Variants in IMPDH2 observed in about 807,000 individuals in gnomAD.
IMPDH2 encodes the protein inosine-5'-monophosphate dehydrogenase 2.
Under a neutral mutation model 57.8 loss-of-function variants are expected in IMPDH2, and 33 were observed. The observed-to-expected ratio is 0.57, with a 90% CI of 0.43 to 0.76. The LOEUF (loss-of-function observed/expected upper bound fraction) is 0.76. Among genes scored for constraint, IMPDH2 ranks in the 30% least tolerant of loss-of-function variants. IMPDH2 has a pLI of 0.00. For synonymous variants in IMPDH2, 270 were observed against 241.3 expected, an observed-to-expected ratio of 1.12 and a Z score of -1.10; for missense variants, 446 against 659.1, an observed-to-expected ratio of 0.68 and a Z score of 3.54.
rs1279139515 is a variant in IMPDH2 at position 49,024,667 on chromosome 3, G to A, written c.1431C>T (p.Thr477=). Residue 477 remains threonine, a synonymous_variant, in exon 12 of 14, where the codon ACC becomes ACT. Coordinates refer to ENST00000326739, the MANE Select transcript of IMPDH2 (RefSeq NM_000884.3). ...CAGCTCCCCAAGCTCACCGGACTTG[G>A]GTCAAGCTCTTGGCACCAATGTCCT... The part of the protein sequence containing the change: ...SCQDIGAKSL[T]QVRAMMYSGE... 1 of 1,614,224 alleles carries A rather than the reference G, an allele frequency of 6.2e-7. No homozygotes were observed. The highest frequency in any genetic ancestry group is 1.1e-5 in the South Asian group (1 of 91,086).
rs112967524 is a variant in IMPDH2, at chr3:49,025,966, G to A, written c.1006+358C>T. The stretch of plus-strand genomic sequence containing the variant: ...AAGCAGCCGGGCAGTGGGCAGCTGG[G>A]CCGGGCCAGTGGGCCGGGCTGGACT... On this transcript the variant is annotated intron_variant, in intron 9 of 13. Transcript: ENST00000326739. The A allele has an allele frequency of 3.1e-3, 1,457 of 467,926 alleles. 13 individuals carry two copies. The highest frequency in any genetic ancestry group is 0.026 in the African/African-American group (1,328 of 50,672). The allele number at this position is 467,926 out of a possible 1,614,324, so 29.0% of individuals were successfully genotyped here. A position where few individuals can be genotyped will look rare whatever the true frequency, so the allele number is the denominator to read the frequency against.
intron 9 of IMPDH2, 119 bp from the exon 10 acceptor site, chr3:49,025,388 C>G: frequency 9.3e-7 from 1 of 1,073,772 alleles, no homozygotes; most frequent in South Asian, 1.3e-5. Flanking sequence ...TGCAGCTTGG[C>G]TGAGGAACAG....
chr3:49,026,428 A>T lies in IMPDH2; in HGVS notation c.911-9T>A. On this transcript the variant is annotated splice_polypyrimidine_tract_variant and intron_variant, in intron 8 of 13. Transcript: ENST00000326739. ...CTGGGCAGCAGTGACCACTATGGTG[A>T]AGGAAAGGAAAATGCTCATGTGAAG... is the stretch of plus-strand genomic sequence containing the variant. The T allele has an allele frequency of 6.2e-7, 1 of 1,612,748 alleles. No homozygotes were observed.
chr3:49,028,998 G>C, intron 1 of IMPDH2, 192 bp from the exon 2 acceptor site: 1 of 655,534 alleles, frequency 1.5e-6, no homozygotes, highest in Admixed American at 2.2e-5. Flanking sequence ...TGTCATCAGT[G>C]CTCCTGGCAC....
intron 11 of IMPDH2, 40 bp downstream of exon 11, chr3:49,024,856 G>A: frequency 6.2e-7 from 1 of 1,614,210 alleles, no homozygotes; most frequent in Non-Finnish European, 8.5e-7. Context: ...GAGACTGTCA[G>A]TGCAGGATTA....
At chr3:49,028,047 T>C in intron 4 of IMPDH2, 131 bp from the exon 5 acceptor site, 2 of 820,828 alleles carry the variant, frequency 2.4e-6, no homozygotes, top group Non-Finnish European at 4.0e-6. Flanking sequence ...CCAACACATC[T>C]TAGAGACATG....
rs745959513 is a variant in IMPDH2, at chr3:49,027,858, C to T, written c.383G>A (p.Arg128Gln). The T allele has an allele frequency of 4.1e-5, 66 of 1,614,100 alleles. No individual in the cohort carries two copies. The highest frequency in any genetic ancestry group is 4.5e-5 in the Non-Finnish European group (53 of 1,180,040). Residue 128 changes from arginine (R) to glutamine (Q), a missense_variant, in exon 5 of 14, where the codon CGG (arginine) becomes CAG (glutamine). Transcript: ENST00000326739. ...PVVLSPKDRV[R>Q]DVFEAKARHG... ...CCGGGCCTTGGCCTCAAAAACATCC[C>T]GCACGCGATCCTTGGGGCTGAGGAC... is the stretch of plus-strand genomic sequence containing the variant.
At position 49,026,667 on chromosome 3, in the gene IMPDH2, C is replaced by A. The variant is rs369819850; in HGVS notation, c.819+20G>T. On this transcript the variant is annotated intron_variant, in intron 7 of 13. Transcript: ENST00000326739. ...TGGCAGCTGCCCCTATTGCCCCAACCCACCTGTGTAGCAGCTCACCAAAAC... is the reference window on the plus strand; with the variant it reads ...TGGCAGCTGCCCCTATTGCCCCAACACACCTGTGTAGCAGCTCACCAAAAC... 4 of 1,613,670 alleles carry A rather than the reference C, an allele frequency of 2.5e-6. No individual in the cohort carries two copies. The highest frequency in any genetic ancestry group is 3.4e-6 in the Non-Finnish European group (4 of 1,179,666).
In IMPDH2 at chr3:49,026,729, C is replaced by A; in HGVS notation, c.777G>T (p.Arg259Ser). The change falls in exon 7 of 14, where the codon AGG (arginine) becomes AGT (serine). Residue 259 changes from arginine (R) to serine (S), a missense_variant. Arg to Ser is a moderately radical substitution (Grantham distance 110). Transcript: ENST00000326739. Reference sequence around the variant, plus strand: ...CACCAGCCTGGGCGAGCAAGTCCAGCCTATACTTGTCATCCTCATGAGTGC... The same window carrying A: ...CACCAGCCTGGGCGAGCAAGTCCAGACTATACTTGTCATCCTCATGAGTGC... ...AIGTHEDDKY[R>S]LDLLAQAGVD... 1 of 1,614,218 alleles carries A rather than the reference C, an allele frequency of 6.2e-7. No homozygotes were observed. The highest frequency in any genetic ancestry group is 8.5e-7 in the Non-Finnish European group (1 of 1,180,042).
chr3:49,028,886 C>T, intron 1 of IMPDH2, 80 bp from the exon 2 acceptor site: 1 of 1,117,020 alleles, frequency 9.0e-7, no homozygotes, highest in South Asian at 1.3e-5. Context: ...TACCAATCAA[C>T]CCGTAACGCA....
chr3:49,028,708 G>C (rs2093210473), intron 2 of IMPDH2, 50 bp downstream of exon 2: 1 of 1,507,432 alleles, frequency 6.6e-7, no homozygotes, highest in Admixed American at 1.7e-5. Flanking sequence ...GGTGATAGTA[G>C]CACCTTAGCT....
chr3:49,028,332 A>G lies in IMPDH2; in HGVS notation c.250-10T>C, dbSNP rs772963752. The G allele has an allele frequency of 5.6e-6, 9 of 1,613,266 alleles. No homozygotes were observed. Among genetic ancestry groups the G allele is most frequent in the Non-Finnish European group, 7.6e-6 (9 of 1,179,238 alleles). On this transcript the variant is annotated splice_polypyrimidine_tract_variant and intron_variant, in intron 3 of 13. Coordinates refer to ENST00000326739, the MANE Select transcript of IMPDH2 (RefSeq NM_000884.3). ...CAATACCGCCTGTAAGCTACAGGAT[A>G]AAAAGAGACTACTACTAAGTGACAA...
rs537380724 is a variant in IMPDH2, at chr3:49,026,200, G to A, written c.1006+124C>T. ...TCCAGCCATGTCACCCATCCAAGAG[G>A]CCAATTTGGCCCCAGGGTTGCCCCT... On this transcript the variant is annotated intron_variant, in intron 9 of 13. Coordinates refer to ENST00000326739, the MANE Select transcript of IMPDH2 (RefSeq NM_000884.3). 1,034 of 737,308 alleles carry A rather than the reference G, an allele frequency of 1.4e-3. 15 individuals are homozygous for A. In the South Asian group the frequency reaches 0.015, roughly 11 times the overall value. The allele number at this position is 737,308 out of a possible 1,614,324, so 45.7% of individuals were successfully genotyped here.
Position 49,026,247 on chromosome 3 carries a change from CA to C in IMPDH2, c.1006+76del. On this transcript the variant is annotated intron_variant, in intron 9 of 13. Transcript: ENST00000326739. Reference sequence around the variant, plus strand: ...CCCTATTGGAGGGCTCTATTGTCCCCATAAGAGTGCTTGGTTCCAAGGTATG... The same window carrying C: ...CCCTATTGGAGGGCTCTATTGTCCCCTAAGAGTGCTTGGTTCCAAGGTATG... 5.4e-6 allele frequency: 6 copies of C among 1,108,512 alleles called. No individual in the cohort carries two copies. The South Asian group carries it at 6.8e-5, about 13-fold the overall frequency. The allele number at this position is 1,108,512 out of a possible 1,614,324, so 68.7% of individuals were successfully genotyped here. A position where few individuals can be genotyped will look rare whatever the true frequency, so the allele number is the denominator to read the frequency against.
At chr3:49,028,893 C>A (rs986914276) in intron 1 of IMPDH2, 87 bp from the exon 2 acceptor site, 1 of 1,042,706 alleles carries the variant, frequency 9.6e-7, no homozygotes. Context: ...CAACCCGTAA[C>A]GCATGTGAGC....
In IMPDH2 at chr3:49,027,746, A is replaced by G; in HGVS notation, c.495T>C (p.Phe165=). ...VGIISSRDID[F]LKEEEHDCFL... ...AACAGTCATGTTCCTCCTCTTTGAG[A>G]AAATCAATGTCCCTGGAGGAGATGA... Residue 165 remains phenylalanine (F), a synonymous_variant, in exon 5 of 14, where the codon TTT becomes TTC. Transcript: ENST00000326739. 1 of 1,614,196 alleles carries G rather than the reference A, an allele frequency of 6.2e-7. No individual in the cohort carries two copies. Among genetic ancestry groups the G allele is most frequent in the South Asian group, 1.1e-5 (1 of 91,080 alleles).
At chr3:49,025,428 G>A in intron 9 of IMPDH2, 159 bp from the exon 10 acceptor site, 1 of 738,570 alleles carries the variant, frequency 1.4e-6, no homozygotes, top group African/African-American at 1.7e-5. Flanking sequence ...TGCCACATCT[G>A]CCTTAAATAG....
At chr3:49,027,079 A>C (rs1358656460) in intron 5 of IMPDH2, 32 bp from the exon 6 acceptor site, 1 of 1,488,378 alleles carries the variant, frequency 6.7e-7, no homozygotes, top group Non-Finnish European at 9.4e-7. Flanking sequence ...AAGAAGGGCC[A>C]GTCATCGACT....
intron 4 of IMPDH2, 90 bp downstream of exon 4, chr3:49,028,158 A>G: frequency 9.0e-7 from 1 of 1,107,926 alleles, no homozygotes; most frequent in Non-Finnish European, 1.4e-6. Context: ...GGAAGAAAGA[A>G]TACTAAATTA....
Sources: allele counts gnomAD v4.1 joint callset, GRCh38; gene constraint gnomAD v4.1.1; transcripts MANE v1.5; gene names NCBI Gene and HGNC (gene_info 2026-07-23, HGNC 2026-07-21).